TCF7L1: variants seen among roughly 807,000 people sequenced by gnomAD.
TCF7L1 encodes the protein transcription factor 7-like 1.
A neutral mutation model predicts 63.7 loss-of-function variants in TCF7L1; 18 were observed. That is an observed-to-expected ratio of 0.28 (90% confidence interval 0.20 to 0.42). The LOEUF is 0.42. Ranked by LOEUF, TCF7L1 falls within the 10% of genes least tolerant of loss-of-function variation. The pLI, the probability that TCF7L1 is intolerant of heterozygous loss-of-function variation, is 1.00. For missense variants in TCF7L1, 654 were observed against 779.3 expected (o/e 0.84, Z 1.91); for synonymous variants, 355 against 340.9 (o/e 1.04, Z -0.46).
At position 85,172,142 on chromosome 2, in the gene TCF7L1, A is replaced by G. The variant is rs777050719; in HGVS notation, c.441+37692A>G. ...CACGTGTCCACCAGGGGAGCCCCGC[A>G]GTGCTTCCCACCTCACATCCCACTC... On this transcript the variant is annotated intron_variant, in intron 3 of 11. Transcript: ENST00000282111. Among the ~76,000 whole-genome samples, 9 of 152,230 alleles carry G rather than the reference A, an allele frequency of 5.9e-5. No homozygotes were observed. The East Asian group carries it at 1.4e-3, about 23-fold the overall frequency.
At chr2:85,149,086 T>A (rs1677945943) in intron 3 of TCF7L1, among the ~76,000 whole-genome samples, 1 of 151,954 alleles carries the variant, frequency 6.6e-6, no homozygotes, top group Admixed American at 6.6e-5. Flanking sequence ...GCCCTTAAAA[T>A]TTTTTTTATA....
intron 3 of TCF7L1, among the ~76,000 whole-genome samples, chr2:85,229,864 C>A (rs1274207250): frequency 6.6e-6 from 1 of 151,976 alleles, no homozygotes; most frequent in Non-Finnish European, 1.5e-5. Context: ...AAAAAATAGC[C>A]GGACGTGGTG....
intron 3 of TCF7L1, among the ~76,000 whole-genome samples, chr2:85,176,186 GT>G (rs1342349079): frequency 2.0e-5 from 3 of 152,202 alleles, no homozygotes; most frequent in South Asian, 2.1e-4. Context: ...AAGAAGCACC[GT>G]TTGGAAGCTC....
intron 4 of TCF7L1, among the ~76,000 whole-genome samples, chr2:85,295,314 G>C (rs1681816541): frequency 6.6e-6 from 1 of 152,136 alleles, no homozygotes; most frequent in Admixed American, 6.5e-5. Flanking sequence ...CGATTCTCCT[G>C]TCTCAGCCTC....
At chr2:85,254,446 TG>T (rs928522238) in intron 3 of TCF7L1, among the ~76,000 whole-genome samples, 2 of 152,146 alleles carry the variant, frequency 1.3e-5, no homozygotes, top group East Asian at 1.9e-4. Flanking sequence ...TTTCCTGCAT[TG>T]GGGGGGCTTG....
intron 3 of TCF7L1, among the ~76,000 whole-genome samples, chr2:85,238,969 T>TCCA (rs1680258870): frequency 6.6e-6 from 1 of 151,896 alleles, no homozygotes; most frequent in South Asian, 2.1e-4. Context: ...ACAGGCGTGA[T>TCCA]CCACCACCAC....
intron 5 of TCF7L1, 199 bp from the exon 6 acceptor site, chr2:85,303,696 T>C: frequency 2.2e-6 from 1 of 461,242 alleles, no homozygotes; most frequent in Non-Finnish European, 3.9e-6. Context: ...GGGGGTGCAT[T>C]AGTCCTGCCT....
At chr2:85,195,709 G>A (rs536932548) in intron 3 of TCF7L1, among the ~76,000 whole-genome samples, 188 of 152,034 alleles carry the variant, frequency 1.2e-3, no homozygotes, top group Non-Finnish European at 1.6e-3. Context: ...ACCACCCCCG[G>A]CCAATTTTTG....
intron 3 of TCF7L1, among the ~76,000 whole-genome samples, chr2:85,175,781 G>GT (rs1404031917): frequency 6.6e-6 from 1 of 152,260 alleles, no homozygotes; most frequent in Non-Finnish European, 1.5e-5. Context: ...AAAGTTGGCT[G>GT]TAACATGAGC....
intron 3 of TCF7L1, among the ~76,000 whole-genome samples, chr2:85,238,334 A>T (rs1680241491): frequency 6.6e-6 from 1 of 152,170 alleles, no homozygotes; most frequent in Non-Finnish European, 1.5e-5. Context: ...GGGGCAGGGA[A>T]GGCCGTTCTC....
intron 3 of TCF7L1, among the ~76,000 whole-genome samples, chr2:85,257,396 G>A (rs7596495): frequency 0.02 from 3,005 of 152,278 alleles, 97 homozygotes; most frequent in African/African-American, 0.068. Flanking sequence ...TAGCTCCAGG[G>A]CATCCTCGGA....
chr2:85,309,361 C>T lies in TCF7L1; in HGVS notation c.1666C>T (p.Leu556=), dbSNP rs1250235999. 1.2e-6 allele frequency: 2 copies of T among 1,608,972 alleles called. No homozygotes were observed. The highest frequency in any genetic ancestry group is 1.7e-5 in the Admixed American group (1 of 59,718). Residue 556 remains leucine (L), a synonymous_variant, in exon 12 of 12, where the codon CTG becomes TTG. Coordinates refer to ENST00000282111, the MANE Select transcript of TCF7L1 (RefSeq NM_031283.3). ...CCTTGGGTCCATGCCCACAGCTCTGCTGGCCTCTCCCCCGTCCTTCCCCGC... is the reference window on the plus strand; with the variant it reads ...CCTTGGGTCCATGCCCACAGCTCTGTTGGCCTCTCCCCCGTCCTTCCCCGC... ...LPLGSMPTAL[L]ASPPSFPATL... is the part of the protein sequence containing the mutation.
chr2:85,257,658 C>G (rs1258423607), intron 3 of TCF7L1, among the ~76,000 whole-genome samples: 2 of 152,242 alleles, frequency 1.3e-5, no homozygotes, highest in Non-Finnish European at 2.9e-5. Context: ...TGCTCTGGCC[C>G]TGCCTGACCC....
intron 3 of TCF7L1, among the ~76,000 whole-genome samples, chr2:85,151,439 A>C (rs1321536407): frequency 6.6e-6 from 1 of 152,048 alleles, no homozygotes; most frequent in African/African-American, 2.4e-5. Flanking sequence ...TTTTTGCAAG[A>C]CTGCTTCATA....
At chr2:85,280,460 T>C (rs1681384385) in intron 3 of TCF7L1, among the ~76,000 whole-genome samples, 1 of 152,168 alleles carries the variant, frequency 6.6e-6, no homozygotes, top group African/African-American at 2.4e-5. Context: ...GACTAGGGTT[T>C]ACATTTCTTT....
chr2:85,283,468 G>A (rs755359830), intron 3 of TCF7L1, 27 bp from the exon 4 acceptor site: 1 of 1,613,726 alleles, frequency 6.2e-7, no homozygotes, highest in African/African-American at 1.3e-5. Context: ...CTCACCAACA[G>A]CTTTTTCTTT....
At chr2:85,285,901 A>G (rs77475125) in intron 4 of TCF7L1, among the ~76,000 whole-genome samples, 3,510 of 152,204 alleles carry the variant, frequency 0.023, 137 homozygotes, top group African/African-American at 0.08. Flanking sequence ...TTTAAAAACT[A>G]ACACATGAGG....
intron 3 of TCF7L1, among the ~76,000 whole-genome samples, chr2:85,209,286 TC>T (rs1363387252): frequency 6.6e-6 from 1 of 152,238 alleles, no homozygotes; most frequent in Non-Finnish European, 1.5e-5. Flanking sequence ...CTGTTCACCT[TC>T]CTTTGCCTGC....
At chr2:85,226,544 G>GT (rs59453806) in intron 3 of TCF7L1, among the ~76,000 whole-genome samples, 2,701 of 151,506 alleles carry the variant, frequency 0.018, 81 homozygotes, top group African/African-American at 0.062. Context: ...CAACTTCCAA[G>GT]TTTTGGTGGA....
Sources: allele counts gnomAD v4.1 joint callset (sites outside exome capture counted in the v4.1 genomes callset), GRCh38; gene constraint gnomAD v4.1.1; transcripts MANE v1.5; gene names NCBI Gene and HGNC (gene_info 2026-07-23, HGNC 2026-07-21).